Variants in DNAJC10 observed in about 807,000 individuals in gnomAD.
DNAJC10 encodes the protein DnaJ heat shock protein family (Hsp40) member C10, also known as endoplasmic reticulum disulfide reductase DNAJC10.
In DNAJC10, 101 loss-of-function variants were observed where a neutral mutation model predicts 115.0. The observed-to-expected ratio is 0.88, with a 90% CI of 0.75 to 1.04. DNAJC10 has a LOEUF of 1.04. Among genes scored for constraint, DNAJC10 ranks in the 50% least tolerant of loss-of-function variants. The probability of loss-of-function intolerance (pLI) is 0.00; values close to 1 mark genes in which losing one functional copy is unlikely to be tolerated. For synonymous variants in DNAJC10, 307 were observed against 301.5 expected (o/e 1.02, Z -0.19); for missense variants, 981 against 928.8 (o/e 1.06, Z -0.73).
chr2:182,761,857 A>G (rs2105687653), intron 21 of DNAJC10, among the ~76,000 whole-genome samples: 1 of 152,230 alleles, frequency 6.6e-6, no homozygotes, highest in African/African-American at 2.4e-5. Context: ...TGGAACTCTG[A>G]TTGGATATTA....
At chr2:182,751,130 CTTTTTTTTTTTTTT>C (rs773393648) in intron 14 of DNAJC10, among the ~76,000 whole-genome samples, 4 of 85,180 alleles carry the variant, frequency 4.7e-5, no homozygotes, top group African/African-American at 1.4e-4. Context: ...GAGATTTTGA[CTTTTTTTTTTTTTT>C]TTTTTTTTTT....
chr2:182,768,730 C>T (rs551565322), intron 22 of DNAJC10, among the ~76,000 whole-genome samples: 1 of 152,258 alleles, frequency 6.6e-6, no homozygotes, highest in African/African-American at 2.4e-5. Flanking sequence ...CTAGGAGATA[C>T]ATGTTGCTTT....
chr2:182,736,068 T>C (rs1693576503), intron 10 of DNAJC10, among the ~76,000 whole-genome samples, 181 bp from the exon 11 acceptor site: 2 of 101,010 alleles, frequency 2.0e-5, no homozygotes, highest in Admixed American at 9.2e-5. Context: ...ACTTAATATT[T>C]CTAAATTTAT....
intron 16 of DNAJC10, among the ~76,000 whole-genome samples, chr2:182,754,366 G>T (rs1242988874): frequency 2.6e-5 from 4 of 152,116 alleles, no homozygotes; most frequent in Admixed American, 2.6e-4. Context: ...CACAGACAAG[G>T]ATCTCTTTAT....
At chr2:182,773,834 A>G (rs1258473022) in intron 22 of DNAJC10, among the ~76,000 whole-genome samples, 13 of 152,162 alleles carry the variant, frequency 8.5e-5, no homozygotes, top group Admixed American at 6.5e-4. Context: ...ACTTCTGTCA[A>G]CTCATCAAAG....
chr2:182,775,391 ACT>A lies in DNAJC10; in HGVS notation c.2345_2346del (p.Leu782ProfsTer8). 1 of 1,612,742 alleles carries A rather than the reference ACT, an allele frequency of 6.2e-7. No homozygotes were observed. Among genetic ancestry groups the A allele is most frequent in the Non-Finnish European group, 8.5e-7 (1 of 1,179,258 alleles). On this transcript the variant is annotated frameshift_variant, in exon 23 of 24. Transcript: ENST00000264065. LOFTEE classifies it high-confidence loss of function. ...IAALISEKLE[T>X]LRNQGKRNKD... ...TGCCTTAATAAGTGAAAAATTGGAAACTCTCCGAAATCAAGGCAAGAGGAATA... is the reference window on the plus strand; with the variant it reads ...TGCCTTAATAAGTGAAAAATTGGAAACTCCGAAATCAAGGCAAGAGGAATA...
intron 18 of DNAJC10, among the ~76,000 whole-genome samples, chr2:182,756,921 G>A (rs184538783): frequency 6.6e-6 from 1 of 152,256 alleles, no homozygotes; most frequent in Non-Finnish European, 1.5e-5. Flanking sequence ...TTACAAACAT[G>A]AGCCTCCGTG....
intron 5 of DNAJC10, 150 bp from the exon 6 acceptor site, chr2:182,728,426 T>TA (rs1693346770): frequency 3.8e-6 from 2 of 533,124 alleles, no homozygotes; most frequent in Non-Finnish European, 6.4e-6. Flanking sequence ...ATGTAGAAGA[T>TA]ATAGAAAAAC....
At chr2:182,766,744 G>C in intron 22 of DNAJC10, among the ~76,000 whole-genome samples, 1 of 152,148 alleles carries the variant, frequency 6.6e-6, no homozygotes, top group East Asian at 1.9e-4. Flanking sequence ...CACCCCTCCA[G>C]CAGGGAAGTT....
chr2:182,751,876 G>A (rs1224924181), intron 15 of DNAJC10, 91 bp downstream of exon 15: 3 of 1,493,712 alleles, frequency 2.0e-6, no homozygotes, highest in East Asian at 2.3e-5. Flanking sequence ...TGAATCATTA[G>A]TACAAAAACT....
At chr2:182,724,722 A>G (rs1693239003) in intron 5 of DNAJC10, among the ~76,000 whole-genome samples, 1 of 152,232 alleles carries the variant, frequency 6.6e-6, no homozygotes, top group Non-Finnish European at 1.5e-5. Context: ...CTGTAGTTGT[A>G]TAGTTTAGAA....
intron 23 of DNAJC10, among the ~76,000 whole-genome samples, chr2:182,776,125 C>G (rs538283635): frequency 2.5e-4 from 38 of 151,410 alleles, no homozygotes; most frequent in Non-Finnish European, 4.7e-4. Context: ...TGAAATATAT[C>G]TCAACAAAGC....
At chr2:182,740,508 A>G in intron 12 of DNAJC10, 120 bp downstream of exon 12, 1 of 956,380 alleles carries the variant, frequency 1.0e-6, no homozygotes, top group Non-Finnish European at 1.5e-6. Flanking sequence ...TAGCAGTTTC[A>G]AAGGATTATA....
At chr2:182,719,798 CTTTTT>C (rs35682380) in intron 3 of DNAJC10, among the ~76,000 whole-genome samples, 1 of 122,200 alleles carries the variant, frequency 8.2e-6, no homozygotes, top group Admixed American at 8.9e-5. Flanking sequence ...ACTTTTCTTA[CTTTTT>C]TTTTTTTTTT....
Position 182,790,445 on chromosome 2 carries a change from G to C in DNAJC10, c.*13313G>C, listed in dbSNP as rs542752260. 6.6e-6 allele frequency: 1 copy of C among 152,110 alleles called. No individual in the cohort carries two copies. Among genetic ancestry groups the C allele is most frequent in the Non-Finnish European group, 1.5e-5 (1 of 68,026 alleles). The allele number at this position is 152,110 out of a possible 1,614,324, so 9.4% of individuals were successfully genotyped here. On this transcript the variant is annotated 3_prime_UTR_variant, in exon 24 of 24. Coordinates refer to ENST00000264065, the MANE Select transcript of DNAJC10 (RefSeq NM_018981.4). ...TTTAAACCTGCTATATAAAATGTCA[G>C]ATGTAAAAGCGAATATCTAATGAAG...
chr2:182,773,854 G>A (rs762669674), intron 22 of DNAJC10, among the ~76,000 whole-genome samples: 10 of 152,140 alleles, frequency 6.6e-5, no homozygotes, highest in Non-Finnish European at 8.8e-5. Flanking sequence ...GTCATTCTCC[G>A]TCCAGCTTTG....
chr2:182,784,686 G>T lies in DNAJC10; in HGVS notation c.*7554G>T, dbSNP rs1694915663. 6.6e-6 allele frequency: 1 copy of T among 152,130 alleles called. No homozygotes were observed. The highest frequency in any genetic ancestry group is 6.5e-5 in the Admixed American group (1 of 15,274). The allele number at this position is 152,130 out of a possible 1,614,324, so 9.4% of individuals were successfully genotyped here. On this transcript the variant is annotated 3_prime_UTR_variant, in exon 24 of 24. Coordinates refer to ENST00000264065, the MANE Select transcript of DNAJC10 (RefSeq NM_018981.4). ...CTTATAGCTTAGAGGCATTGTAGTT[G>T]ATATTATAGTAACCCTTTTAGATGT...
At chr2:182,748,010 C>T (rs1217730128) in intron 14 of DNAJC10, among the ~76,000 whole-genome samples, 3 of 147,638 alleles carry the variant, frequency 2.0e-5, no homozygotes, top group African/African-American at 5.0e-5. Context: ...GTCTTTGGTT[C>T]TGTTTATATG....
intron 10 of DNAJC10, among the ~76,000 whole-genome samples, chr2:182,734,527 A>C (rs1289552706): frequency 6.6e-6 from 1 of 151,774 alleles, no homozygotes; most frequent in Non-Finnish European, 1.5e-5. Flanking sequence ...TATGCATTTG[A>C]AAATGAATCC....
Sources: allele counts gnomAD v4.1 joint callset (sites outside exome capture counted in the v4.1 genomes callset), GRCh38; gene constraint gnomAD v4.1.1; transcripts MANE v1.5; gene names NCBI Gene and HGNC (gene_info 2026-07-23, HGNC 2026-07-21).